SLC6A16: variants seen among roughly 807,000 people sequenced by gnomAD.
The protein encoded by SLC6A16 is orphan sodium- and chloride-dependent neurotransmitter transporter NTT5.
A neutral mutation model predicts 65.4 loss-of-function variants in SLC6A16; 54 were observed. That is an observed-to-expected ratio of 0.83 (90% CI 0.66 to 1.04). The LOEUF (loss-of-function observed/expected upper bound fraction) is 1.04. Among genes scored for constraint, SLC6A16 ranks in the 50% least tolerant of loss-of-function variants. The probability of loss-of-function intolerance (pLI) is 0.00; values close to 1 mark genes in which losing one functional copy is unlikely to be tolerated. For synonymous variants in SLC6A16, 330 were observed against 346.5 expected (o/e 0.95, Z 0.53); for missense variants, 816 against 914.0 (o/e 0.89, Z 1.38).
At chr19:49,290,567 T>C (rs1970057007) in intron 11 of SLC6A16, 38 bp downstream of exon 11, 2 of 1,608,912 alleles carry the variant, frequency 1.2e-6, no homozygotes, top group African/African-American at 2.7e-5. Context: ...GTCTGGCCCC[T>C]ACTCCCAAAG....
intron 1 of SLC6A16, among the ~76,000 whole-genome samples, chr19:49,322,997 A>G (rs1970740095): frequency 1.3e-5 from 2 of 152,046 alleles, no homozygotes; most frequent in Admixed American, 1.3e-4. Context: ...ACAAAGCTAT[A>G]GTAATCAAAA....
At chr19:49,339,150 G>A in the SLC6A16 span, among the ~76,000 whole-genome samples, 210 of 152,246 alleles carry the variant, frequency 1.4e-3, 1 homozygote, top group African/African-American at 4.8e-3. The surrounding 1 kb of genome is among the most constrained non-coding windows in gnomAD (Gnocchi z 4.5). Flanking sequence ...AGATGTCTAG[G>A]GAGGGGCCAG....
At chr19:49,316,025 A>T (rs1188093345) in intron 1 of SLC6A16, among the ~76,000 whole-genome samples, 2 of 152,210 alleles carry the variant, frequency 1.3e-5, no homozygotes, top group African/African-American at 4.8e-5. Context: ...ATCTATGTGG[A>T]AGATCCAGAA....
chr19:49,315,577 T>C (rs548892267), intron 1 of SLC6A16, among the ~76,000 whole-genome samples: 1 of 152,310 alleles, frequency 6.6e-6, no homozygotes, highest in South Asian at 2.1e-4. Flanking sequence ...AGATGTTTTA[T>C]GTAAGCTTCG....
At chr19:49,340,131 C>T in the SLC6A16 span, 3 of 1,534,464 alleles carry the variant, frequency 2.0e-6, no homozygotes, top group Admixed American at 1.8e-5. Flanking sequence ...CTATCCCCTT[C>T]TCCAGCCCCT....
the SLC6A16 span, chr19:49,331,853 T>C: frequency 3.5e-5 from 16 of 456,354 alleles, no homozygotes; most frequent in East Asian, 9.0e-4. Context: ...AGAAACCAAG[T>C]TGGTGAGCAT....
intron 1 of SLC6A16, among the ~76,000 whole-genome samples, chr19:49,320,954 C>G (rs187673669): frequency 6.6e-6 from 1 of 152,138 alleles, no homozygotes; most frequent in African/African-American, 2.4e-5. Flanking sequence ...TAATATCAAT[C>G]CTTCTCAAAC....
At position 49,322,583 on chromosome 19, in the gene SLC6A16, G is replaced by A. The variant is rs536448826; in HGVS notation, c.-65+2465C>T. 6.9e-5 allele frequency among the ~76,000 whole-genome samples: 10 copies of A among 144,778 alleles called. No individual in the cohort carries two copies. In the South Asian group the frequency reaches 1.9e-3, roughly 28 times the overall value. The allele number at this position is 144,778 out of a possible 152,430, so 95.0% of individuals were successfully genotyped here. A position where few individuals can be genotyped will look rare whatever the true frequency, so the allele number is the denominator to read the frequency against. ...TGGGAGGCAGAGGTTGCAGTGAGCC[G>A]AGATTGCACCATTGCACTCCAACCT... On this transcript the variant is annotated intron_variant, in intron 1 of 11. Coordinates refer to ENST00000335875, the MANE Select transcript of SLC6A16 (RefSeq NM_014037.3).
At chr19:49,338,747 C>A in the SLC6A16 span, 1 of 1,613,420 alleles carries the variant, frequency 6.2e-7, no homozygotes, top group East Asian at 2.2e-5. The surrounding 1 kb of genome is among the most constrained non-coding windows in gnomAD (Gnocchi z 5.0). Flanking sequence ...TCCAAGTCCT[C>A]ATCCTGAGAG....
chr19:49,332,228 C>T, the SLC6A16 span: 1 of 456,688 alleles, frequency 2.2e-6, no homozygotes, highest in Non-Finnish European at 4.4e-6. Context: ...TGGTGCTCTC[C>T]TCTTCTGTGT....
the SLC6A16 span, chr19:49,340,034 C>T: frequency 1.3e-6 from 2 of 1,488,106 alleles, no homozygotes; most frequent in Non-Finnish European, 8.9e-7. Context: ...CTTACTCCTT[C>T]TCAGCCTCTA....
chr19:49,298,756 A>G (rs912707367), intron 7 of SLC6A16, among the ~76,000 whole-genome samples: 2 of 152,258 alleles, frequency 1.3e-5, no homozygotes, highest in Non-Finnish European at 2.9e-5. Flanking sequence ...ACATGTACTC[A>G]TATGTTTATC....
chr19:49,316,956 G>A (rs556904343), intron 1 of SLC6A16, among the ~76,000 whole-genome samples: 4 of 151,832 alleles, frequency 2.6e-5, no homozygotes, highest in Non-Finnish European at 5.9e-5. Context: ...AGGATCGCTT[G>A]AGCCCAGGAG....
intron 10 of SLC6A16, 64 bp downstream of exon 10, chr19:49,293,159 C>CA: frequency 6.5e-7 from 1 of 1,546,080 alleles, no homozygotes; most frequent in East Asian, 2.3e-5. Flanking sequence ...GTAGAGGCAA[C>CA]AAAAAAGGGG....
intron 7 of SLC6A16, among the ~76,000 whole-genome samples, chr19:49,305,234 G>A (rs1352481964): frequency 6.6e-6 from 1 of 152,198 alleles, no homozygotes; most frequent in Non-Finnish European, 1.5e-5. Flanking sequence ...ATGGAAGAGA[G>A]CAGCCCTTGC....
At chr19:49,328,487 G>A (rs1316782409), upstream of SLC6A16, among the ~76,000 whole-genome samples, 1 of 152,194 alleles carries the variant, frequency 6.6e-6, no homozygotes, top group Non-Finnish European at 1.5e-5. Flanking sequence ...GATAGAAGCA[G>A]AGAGCCCAGT....
the SLC6A16 span, chr19:49,338,337 G>T: frequency 1.8e-6 from 1 of 552,144 alleles, no homozygotes; most frequent in South Asian, 2.4e-5. The surrounding 1 kb of genome is among the most constrained non-coding windows in gnomAD (Gnocchi z 5.0). Context: ...TTCCTACCCC[G>T]TAGTGACTCT....
intron 7 of SLC6A16, among the ~76,000 whole-genome samples, chr19:49,296,849 C>T (rs1480148790): frequency 3.3e-5 from 5 of 151,948 alleles, no homozygotes; most frequent in Admixed American, 2.0e-4. Flanking sequence ...ATTAGCCAAG[C>T]GTGATGGCGG....
chr19:49,337,688 GA>G, the SLC6A16 span: 1 of 1,529,438 alleles, frequency 6.5e-7, no homozygotes, highest in African/African-American at 1.4e-5. Context: ...AAACACACGG[GA>G]AAAAGAGAGA....
Sources: allele counts gnomAD v4.1 joint callset (sites outside exome capture counted in the v4.1 genomes callset), GRCh38; gene constraint gnomAD v4.1.1; non-coding constraint Gnocchi (gnomAD v3.1); transcripts MANE v1.5; gene names NCBI Gene and HGNC (gene_info 2026-07-23, HGNC 2026-07-21).